CMC1: variants seen among roughly 807,000 people sequenced by gnomAD.
The protein encoded by CMC1 is COX assembly mitochondrial protein homolog.
CMC1 carries 14 observed loss-of-function variants against 14.1 expected under a neutral mutation model. The observed-to-expected ratio is 0.99, with a 90% CI of 0.66 to 1.55. The LOEUF is 1.55. CMC1 is among the 40% of genes most tolerant of loss of function. The pLI, the probability that CMC1 is intolerant of heterozygous loss-of-function variation, is 0.00. For missense variants in CMC1, 127 were observed against 123.8 expected (o/e 1.03, Z -0.12); for synonymous variants, 50 against 38.4 (o/e 1.30, Z -1.12).
At chr3:28,261,507 A>T (rs1209427229) in intron 1 of CMC1, among the ~76,000 whole-genome samples, 2 of 152,166 alleles carry the variant, frequency 1.3e-5, no homozygotes, top group Non-Finnish European at 2.9e-5. Context: ...TAATTTTGGA[A>T]GTAAATCCTC....
chr3:28,313,690 GTATA>G (rs1226548361), intron 2 of CMC1, among the ~76,000 whole-genome samples: 1 of 152,206 alleles, frequency 6.6e-6, no homozygotes, highest in Non-Finnish European at 1.5e-5. Context: ...AAGTGTGAAA[GTATA>G]TAGACTATGC....
intron 2 of CMC1, among the ~76,000 whole-genome samples, chr3:28,270,377 C>T (rs1689396909): frequency 6.6e-6 from 1 of 152,186 alleles, no homozygotes; most frequent in South Asian, 2.1e-4. Flanking sequence ...TTCCCACCAA[C>T]AGTGTAAAAG....
At chr3:28,242,141 C>A (rs1043711792) in intron 1 of CMC1, among the ~76,000 whole-genome samples, 1 of 152,120 alleles carries the variant, frequency 6.6e-6, no homozygotes. Context: ...ACACTCTGGC[C>A]CCAGAAAAAT....
chr3:28,277,073 G>A (rs947237660), intron 2 of CMC1, among the ~76,000 whole-genome samples: 13 of 152,086 alleles, frequency 8.5e-5, no homozygotes, highest in African/African-American at 3.1e-4. Flanking sequence ...CCTTTTTGTG[G>A]TTTTCTCTTT....
chr3:28,324,244 A>G lies in CMC1; in HGVS notation c.*4615A>G. 6.2e-7 allele frequency: 1 copy of G among 1,610,386 alleles called. No homozygotes were observed. Among genetic ancestry groups the G allele is most frequent in the Admixed American group, 1.7e-5 (1 of 59,728 alleles). The stretch of plus-strand genomic sequence containing the variant: ...CTGAAAGCATGTACCATCATTAGGA[A>G]TGGATCTCTCATTGTCTGTCCATGA... On this transcript the variant is annotated 3_prime_UTR_variant, in exon 4 of 4. Transcript: ENST00000466830.
chr3:28,300,564 C>G lies in CMC1; in HGVS notation c.110-15769C>G, dbSNP rs183972525. On this transcript the variant is annotated intron_variant, in intron 2 of 3. Transcript: ENST00000466830. ...TCTCTTATATAGACCCCACTCTCCC[C>G]TCTCCAGCACCCAAAATGATTTCTA... is the stretch of plus-strand genomic sequence containing the variant. Among the ~76,000 whole-genome samples, 381 of 151,936 alleles carry G rather than the reference C, an allele frequency of 2.5e-3. 2 individuals are homozygous for G. Among genetic ancestry groups the G allele is most frequent in the African/African-American group, 8.7e-3 (359 of 41,430 alleles).
chr3:28,292,429 A>G (rs1245902025), intron 2 of CMC1, among the ~76,000 whole-genome samples: 2 of 152,022 alleles, frequency 1.3e-5, no homozygotes, highest in Non-Finnish European at 2.9e-5. Context: ...TTTTACCCTT[A>G]TCCTAAACGT....
At chr3:28,280,422 A>G (rs1700827687) in intron 2 of CMC1, among the ~76,000 whole-genome samples, 1 of 152,210 alleles carries the variant, frequency 6.6e-6, no homozygotes, top group Non-Finnish European at 1.5e-5. Context: ...AAAAATGTAG[A>G]CAAATATTGA....
At chr3:28,319,463 C>T (rs374940399) in intron 3 of CMC1, 46 bp from the exon 4 acceptor site, 34 of 1,506,146 alleles carry the variant, frequency 2.3e-5, no homozygotes, top group Non-Finnish European at 3.0e-5. Flanking sequence ...ACATTTAACA[C>T]ATGCAGGATT....
intron 2 of CMC1, among the ~76,000 whole-genome samples, chr3:28,270,738 A>G (rs112171370): frequency 0.19 from 28,703 of 151,832 alleles, 3,165 homozygotes; most frequent in Middle Eastern, 0.27. Context: ...TTTGCTATGT[A>G]GAAACTCTTT....
At chr3:28,259,238 A>G (rs1179021777) in intron 1 of CMC1, among the ~76,000 whole-genome samples, 1 of 152,068 alleles carries the variant, frequency 6.6e-6, no homozygotes. Flanking sequence ...GCTATCTTAC[A>G]TAACCATGAT....
In CMC1 at chr3:28,321,914, T is replaced by C. The variant is rs1703199957; in HGVS notation, c.*2285T>C. On this transcript the variant is annotated 3_prime_UTR_variant, in exon 4 of 4. Transcript: ENST00000466830. Reference sequence around the variant, plus strand: ...TATGGATGTACTGAATTGAACCTTATAAAAAGAAATCTAAAGATTCCAAAG... The same window carrying C: ...TATGGATGTACTGAATTGAACCTTACAAAAAGAAATCTAAAGATTCCAAAG... The C allele has an allele frequency of 6.6e-6, 1 of 151,458 alleles. No individual in the cohort carries two copies. Among genetic ancestry groups the C allele is most frequent in the African/African-American group, 2.4e-5 (1 of 41,454 alleles). The allele number at this position is 151,458 out of a possible 1,614,324, so 9.4% of individuals were successfully genotyped here.
chr3:28,285,169 C>A (rs1219327042), intron 2 of CMC1, among the ~76,000 whole-genome samples: 3 of 152,174 alleles, frequency 2.0e-5, no homozygotes, highest in African/African-American at 7.2e-5. Flanking sequence ...GAGAAAGAGT[C>A]TTTAACCAGC....
chr3:28,261,605 C>A (rs990120185), intron 1 of CMC1, among the ~76,000 whole-genome samples: 14 of 152,152 alleles, frequency 9.2e-5, no homozygotes, highest in Non-Finnish European at 2.9e-5. Context: ...GTTTAAAATG[C>A]ACACCAGAGC....
chr3:28,300,301 G>C (rs1164401066), intron 2 of CMC1, among the ~76,000 whole-genome samples: 2 of 152,038 alleles, frequency 1.3e-5, no homozygotes, highest in Non-Finnish European at 2.9e-5. Flanking sequence ...CTATGTAGCT[G>C]TATATTTTGT....
intron 2 of CMC1, among the ~76,000 whole-genome samples, chr3:28,311,117 A>G (rs142916846): frequency 9.2e-5 from 14 of 151,734 alleles, no homozygotes; most frequent in African/African-American, 3.1e-4. Flanking sequence ...ATATTTTTCC[A>G]TTTGAACTAA....
At chr3:28,312,356 A>C (rs1451777545) in intron 2 of CMC1, among the ~76,000 whole-genome samples, 3 of 152,206 alleles carry the variant, frequency 2.0e-5, no homozygotes, top group African/African-American at 7.2e-5. Context: ...AGAGAAATGA[A>C]ATAATGGGGA....
chr3:28,285,268 G>T (rs912800963), intron 2 of CMC1, among the ~76,000 whole-genome samples: 1 of 152,152 alleles, frequency 6.6e-6, no homozygotes, highest in Non-Finnish European at 1.5e-5. Flanking sequence ...TCTCTGCTGG[G>T]GAGGAAGGAC....
rs1703124652 is a variant in CMC1 at position 28,319,705 on chromosome 3, G to A, written c.*76G>A. 1 of 1,145,334 alleles carries A rather than the reference G, an allele frequency of 8.7e-7. No individual in the cohort carries two copies. Among genetic ancestry groups the A allele is most frequent in the Non-Finnish European group, 1.2e-6 (1 of 816,860 alleles). The allele number at this position is 1,145,334 out of a possible 1,614,324, so 70.9% of individuals were successfully genotyped here. A position where few individuals can be genotyped will look rare whatever the true frequency, so the allele number is the denominator to read the frequency against. On this transcript the variant is annotated 3_prime_UTR_variant, in exon 4 of 4. Transcript: ENST00000466830. The stretch of plus-strand genomic sequence containing the variant: ...TATAGTCCTTAAATAATGGACTCAA[G>A]CATATATGTTTGCTTTACCTTAATT...
Sources: allele counts gnomAD v4.1 joint callset (sites outside exome capture counted in the v4.1 genomes callset), GRCh38; gene constraint gnomAD v4.1.1; transcripts MANE v1.5; gene names NCBI Gene and HGNC (gene_info 2026-07-23, HGNC 2026-07-21).